Variants in ATP13A3 observed in about 807,000 individuals in gnomAD.
ATP13A3 encodes the protein ATPase 13A3, also known as polyamine-transporting ATPase 13A3.
In ATP13A3, 59 loss-of-function variants were observed where a neutral mutation model predicts 158.1. That is an observed-to-expected ratio of 0.37 (90% CI 0.30 to 0.46). The LOEUF is 0.46. Among genes scored for constraint, ATP13A3 ranks in the 20% least tolerant of loss-of-function variants. ATP13A3 has a pLI of 1.00. For missense variants in ATP13A3, 1,166 were observed against 1,525.2 expected (o/e 0.76, Z 3.92); for synonymous variants, 491 against 504.3 (o/e 0.97, Z 0.35).
At chr3:194,429,615 G>A (rs746600839) in intron 27 of ATP13A3, 63 bp downstream of exon 27, 103 of 1,281,196 alleles carry the variant, frequency 8.0e-5, no homozygotes, top group Non-Finnish European at 1.0e-4. Flanking sequence ...AAACACATAC[G>A]CTCAACATCT....
rs2108812727 is a variant in ATP13A3 at position 194,430,256 on chromosome 3, AC to A, written c.2667+16del. 1 of 1,613,810 alleles carries A rather than the reference AC, an allele frequency of 6.2e-7. No homozygotes were observed. Among genetic ancestry groups the A allele is most frequent in the Non-Finnish European group, 8.5e-7 (1 of 1,179,772 alleles). ...AGAGTAAGAACTATAAAACTAAATC[AC>A]AAAAACTATACTTACACCACAATCA... On this transcript the variant is annotated intron_variant, in intron 25 of 33. Transcript: ENST00000645319.
intron 2 of ATP13A3, among the ~76,000 whole-genome samples, chr3:194,484,463 G>A (rs928928366): frequency 6.6e-6 from 1 of 152,050 alleles, no homozygotes; most frequent in African/African-American, 2.4e-5. Flanking sequence ...AAGATAAATA[G>A]TAATCTTAGG....
At chr3:194,424,263 C>A (rs965492464) in intron 30 of ATP13A3, 2 of 150,696 alleles carry the variant, frequency 1.3e-5, no homozygotes, top group Non-Finnish European at 3.0e-5. Context: ...CTTAGTAACA[C>A]AGTTATTAGT....
intron 2 of ATP13A3, among the ~76,000 whole-genome samples, chr3:194,470,805 T>C (rs1395966463): frequency 6.6e-6 from 1 of 152,202 alleles, no homozygotes; most frequent in East Asian, 1.9e-4. Flanking sequence ...TAGATAGATT[T>C]CAAAACATTA....
chr3:194,419,125 GAAAAT>G (rs1372587825), intron 31 of ATP13A3, among the ~76,000 whole-genome samples: 1 of 152,228 alleles, frequency 6.6e-6, no homozygotes, highest in South Asian at 2.1e-4. Context: ...ATACAGCAAT[GAAAAT>G]AAAATAATGT....
Position 194,459,629 on chromosome 3 carries a change from G to A in ATP13A3, c.409-88C>T, listed in dbSNP as rs187581060. 11 of 1,131,730 alleles carry A rather than the reference G, an allele frequency of 9.7e-6. No individual in the cohort carries two copies. The African/African-American group carries it at 1.4e-4, about 15-fold the overall frequency. The allele number at this position is 1,131,730 out of a possible 1,614,324, so 70.1% of individuals were successfully genotyped here. The stretch of plus-strand genomic sequence containing the variant: ...TACTTCTATTAACAGCTATATATAG[G>A]ATTATATATAGCATTATATATAGTA... On this transcript the variant is annotated intron_variant, in intron 5 of 33. Coordinates refer to ENST00000645319, the MANE Select transcript of ATP13A3 (RefSeq NM_001367549.1).
At chr3:194,479,638 G>A (rs1255034799) in intron 2 of ATP13A3, among the ~76,000 whole-genome samples, 2 of 151,658 alleles carry the variant, frequency 1.3e-5, no homozygotes, top group African/African-American at 4.8e-5. Flanking sequence ...CAGTGACTAG[G>A]ATTCCATGTT....
At chr3:194,493,550 G>A (rs1721169544) in intron 2 of ATP13A3, among the ~76,000 whole-genome samples, 1 of 151,894 alleles carries the variant, frequency 6.6e-6, no homozygotes, top group Admixed American at 6.5e-5. Flanking sequence ...AGGAGGCTGA[G>A]GTGGGAGAAT....
chr3:194,433,014 T>C (rs1377892576), intron 21 of ATP13A3, among the ~76,000 whole-genome samples: 1 of 152,024 alleles, frequency 6.6e-6, no homozygotes, highest in Non-Finnish European at 1.5e-5. Context: ...CTATCGAATA[T>C]CTATTAATCA....
chr3:194,456,019 G>T, intron 7 of ATP13A3, 57 bp from the exon 8 acceptor site: 1 of 1,105,570 alleles, frequency 9.0e-7, no homozygotes, highest in South Asian at 1.6e-5. Context: ...TATAATTTAC[G>T]AAAGGCATTG....
At chr3:194,414,927 T>C (rs542804163) in intron 31 of ATP13A3, among the ~76,000 whole-genome samples, 18 of 152,242 alleles carry the variant, frequency 1.2e-4, no homozygotes, top group African/African-American at 4.1e-4. Flanking sequence ...GGTATAAAGG[T>C]TGGGAGCCTT....
intron 10 of ATP13A3, 111 bp from the exon 11 acceptor site, chr3:194,450,387 G>T: frequency 9.3e-7 from 1 of 1,073,328 alleles, no homozygotes; most frequent in Non-Finnish European, 1.3e-6. Flanking sequence ...TTATAATGGG[G>T]TAAAATAGAA....
chr3:194,441,311 C>A lies in ATP13A3; in HGVS notation c.1710G>T (p.Trp570Cys). The change falls in exon 16 of 34, where the codon TGG (tryptophan) becomes TGT (cysteine). Residue 570 changes from tryptophan (W) to cysteine (C), a missense_variant and splice_region_variant. This residue lies in a region of ATP13A3 where 997 missense variants were observed against 1,341.2 expected (regional missense o/e 0.74). Coordinates refer to ENST00000645319, the MANE Select transcript of ATP13A3 (RefSeq NM_001367549.1). ...LDLKMFEAIG[W>C]ILEEATEEET... ...TTGTATTTTAAAATATTTGACTTAC[C>A]CATCCAATAGCCTCAAACATTTTCA... 1 of 1,599,180 alleles carries A rather than the reference C, an allele frequency of 6.3e-7. No individual in the cohort carries two copies. Among genetic ancestry groups the A allele is most frequent in the Non-Finnish European group, 8.5e-7 (1 of 1,172,264 alleles).
At chr3:194,461,184 G>A (rs1719633014) in intron 3 of ATP13A3, among the ~76,000 whole-genome samples, 1 of 151,682 alleles carries the variant, frequency 6.6e-6, no homozygotes, top group African/African-American at 2.4e-5. Flanking sequence ...CTTGTTATGA[G>A]GTGGGCTTTT....
chr3:194,423,895 G>A (rs1381605067), intron 30 of ATP13A3, among the ~76,000 whole-genome samples: 6 of 141,800 alleles, frequency 4.2e-5, no homozygotes, highest in Non-Finnish European at 7.7e-5. Flanking sequence ...TCTTGATAGA[G>A]CTGTCTTGCT....
At chr3:194,439,512 A>G (rs1717894075) in intron 16 of ATP13A3, among the ~76,000 whole-genome samples, 1 of 152,238 alleles carries the variant, frequency 6.6e-6, no homozygotes. Context: ...GGTGAAAAAC[A>G]TTCGAAGAAA....
At chr3:194,427,527 G>A (rs764346530) in intron 28 of ATP13A3, among the ~76,000 whole-genome samples, 4 of 151,704 alleles carry the variant, frequency 2.6e-5, no homozygotes, top group Admixed American at 6.6e-5. Flanking sequence ...GGCCAGGCAC[G>A]GTGGCTCACA....
rs1384293160 is a variant in ATP13A3, at chr3:194,438,980, A to C, written c.1711-8T>G. The C allele has an allele frequency of 6.5e-7, 1 of 1,541,874 alleles. No individual in the cohort carries two copies. The highest frequency in any genetic ancestry group is 1.4e-5 in the African/African-American group (1 of 71,574). On this transcript the variant is annotated splice_polypyrimidine_tract_variant and splice_region_variant and intron_variant, in intron 16 of 33. Coordinates refer to ENST00000645319, the MANE Select transcript of ATP13A3 (RefSeq NM_001367549.1). The stretch of plus-strand genomic sequence containing the variant: ...AGTTGCTTCTTCCAGAATCTGGAAA[A>C]AAAAAAGAGACAAAAAAAAACAAAA...
At chr3:194,467,448 G>C (rs904413238) in intron 2 of ATP13A3, among the ~76,000 whole-genome samples, 2 of 152,110 alleles carry the variant, frequency 1.3e-5, no homozygotes, top group African/African-American at 4.8e-5. Context: ...TTTTATGAGT[G>C]TAATTTCTCT....
Sources: gnomAD v4.1 joint callset for allele counts (sites outside exome capture counted in the v4.1 genomes callset) on GRCh38, gnomAD v4.1.1 for gene constraint, gnomAD v4.1.1 regional missense constraint, MANE v1.5 for transcripts, NCBI Gene and HGNC (gene_info 2026-07-23, HGNC 2026-07-21) for gene names.